Variants in PTPRT observed in about 807,000 individuals in gnomAD.
PTPRT encodes the protein protein tyrosine phosphatase receptor type T.
A neutral mutation model predicts 176.8 loss-of-function variants in PTPRT; 56 were observed. The observed-to-expected ratio is 0.32, with a 90% confidence interval of 0.26 to 0.40. The LOEUF (loss-of-function observed/expected upper bound fraction) is 0.40. Among genes scored for constraint, PTPRT ranks in the 10% least tolerant of loss-of-function variants. The probability of loss-of-function intolerance (pLI) is 1.00; values close to 1 mark genes in which losing one functional copy is unlikely to be tolerated. For synonymous variants in PTPRT, 783 were observed against 739.0 expected (o/e 1.06, Z -0.96); for missense variants, 1,540 against 1,908.2 (o/e 0.81, Z 3.60).
chr20:42,085,939 T>C, intron 27 of PTPRT, 86 bp from the exon 28 acceptor site: 2 of 1,413,876 alleles, frequency 1.4e-6, no homozygotes, highest in South Asian at 2.6e-5. Flanking sequence ...TTTTCTTTTC[T>C]TTTTTTCTTT....
At chr20:43,086,884 T>C (rs774741782) in intron 1 of PTPRT, among the ~76,000 whole-genome samples, 17 of 152,206 alleles carry the variant, frequency 1.1e-4, no homozygotes, top group Non-Finnish European at 2.5e-4. Flanking sequence ...TATTAAGGAA[T>C]GTCACTGGTT....
intron 1 of PTPRT, among the ~76,000 whole-genome samples, chr20:42,978,408 G>T (rs1983080163): frequency 6.6e-6 from 1 of 152,180 alleles, no homozygotes; most frequent in African/African-American, 2.4e-5. Context: ...GGGTCAAAGA[G>T]TATGCACATT....
intron 7 of PTPRT, among the ~76,000 whole-genome samples, chr20:42,560,312 C>T (rs193248251): frequency 3.3e-5 from 5 of 152,306 alleles, no homozygotes; most frequent in African/African-American, 7.2e-5. Flanking sequence ...GATTCTCTCC[C>T]TGCTTTTCCA....
At chr20:42,043,064 G>A in the PTPRT span, among the ~76,000 whole-genome samples, 1 of 152,240 alleles carries the variant, frequency 6.6e-6, no homozygotes, top group Non-Finnish European at 1.5e-5. Context: ...CCAAGTTCTT[G>A]GGTGGAAATG....
chr20:42,161,405 G>A lies in PTPRT; in HGVS notation c.2629C>T (p.His877Tyr). 1.9e-6 allele frequency: 3 copies of A among 1,614,152 alleles called. No individual in the cohort carries two copies. Among genetic ancestry groups the A allele is most frequent in the Non-Finnish European group, 2.5e-6 (3 of 1,180,022 alleles). Residue 877 changes from histidine to tyrosine, a missense_variant, in exon 17 of 31, where the codon CAC (histidine) becomes TAC (tyrosine). Around this residue, in one of 11 missense-constraint regions of PTPRT, gnomAD observed 255 missense variants for 250.1 expected, o/e 1.02. Coordinates refer to ENST00000373187, the MANE Select transcript of PTPRT (RefSeq NM_007050.6). ...PAIRVADLLQHITQMKRGQGY... is the reference protein window; with the variant it reads ...PAIRVADLLQYITQMKRGQGY... Reference sequence around the variant, plus strand: ...TGGCCTCTCTTCATCTGCGTGATGTGCTGCAGCAAGTCAGCCACCCGGATG... The same window carrying A: ...TGGCCTCTCTTCATCTGCGTGATGTACTGCAGCAAGTCAGCCACCCGGATG...
At chr20:42,798,029 G>A (rs8183004) in intron 2 of PTPRT, among the ~76,000 whole-genome samples, 61,673 of 152,058 alleles carry the variant, frequency 0.41, 14,381 homozygotes, top group East Asian at 0.53. Context: ...TAAATTTGTG[G>A]TAATTTGTTA....
intron 7 of PTPRT, among the ~76,000 whole-genome samples, chr20:42,657,462 C>T (rs948332810): frequency 4.6e-5 from 7 of 152,192 alleles, no homozygotes; most frequent in African/African-American, 1.4e-4. Context: ...TTTTCAGGCT[C>T]TTTCTTCACA....
chr20:42,702,723 T>C (rs1290881513), intron 6 of PTPRT, among the ~76,000 whole-genome samples: 1 of 152,126 alleles, frequency 6.6e-6, no homozygotes, highest in Non-Finnish European at 1.5e-5. Context: ...TAACCTACAG[T>C]GGGAAACAGA....
intron 1 of PTPRT, among the ~76,000 whole-genome samples, chr20:43,095,811 CCT>C (rs1234223122): frequency 9.7e-6 from 1 of 103,028 alleles, no homozygotes; most frequent in African/African-American, 4.0e-5. Flanking sequence ...CTCTCCTCCC[CCT>C]CTTTCTCTCC....
chr20:42,607,870 C>T (rs2073906870), intron 7 of PTPRT, among the ~76,000 whole-genome samples: 1 of 152,080 alleles, frequency 6.6e-6, no homozygotes, highest in African/African-American at 2.4e-5. Flanking sequence ...CTCACAGTGC[C>T]CACAGCCTTA....
intron 11 of PTPRT, among the ~76,000 whole-genome samples, chr20:42,333,943 A>C (rs2058004663): frequency 6.6e-6 from 1 of 152,316 alleles, no homozygotes; most frequent in Non-Finnish European, 1.5e-5. Context: ...GGCTTCACAA[A>C]GTGCTGGGAT....
intron 1 of PTPRT, among the ~76,000 whole-genome samples, chr20:43,140,505 C>T (rs1468872910): frequency 6.7e-6 from 1 of 148,292 alleles, no homozygotes; most frequent in Non-Finnish European, 1.5e-5. Flanking sequence ...TACATACATG[C>T]ACGTGTGTGT....
At chr20:42,639,333 G>A (rs1365899192) in intron 7 of PTPRT, among the ~76,000 whole-genome samples, 2 of 152,002 alleles carry the variant, frequency 1.3e-5, no homozygotes, top group African/African-American at 2.4e-5. Context: ...TTTAGCTGAC[G>A]AATGCACTTC....
chr20:42,208,239 G>A (rs1173479932), intron 15 of PTPRT, among the ~76,000 whole-genome samples: 4 of 114,862 alleles, frequency 3.5e-5, no homozygotes, highest in Non-Finnish European at 7.1e-5. Context: ...ATCAACTAAC[G>A]AGCAAAATCA....
chr20:42,342,330 T>G (rs2058124153), intron 11 of PTPRT, among the ~76,000 whole-genome samples: 1 of 152,210 alleles, frequency 6.6e-6, no homozygotes, highest in South Asian at 2.1e-4. Flanking sequence ...TCTGGTGTGA[T>G]GAAGTCCCAG....
intron 17 of PTPRT, among the ~76,000 whole-genome samples, chr20:42,157,652 G>A (rs1008335891): frequency 6.6e-6 from 1 of 151,944 alleles, no homozygotes; most frequent in Non-Finnish European, 1.5e-5. Context: ...TGCTCTGCAT[G>A]CTCCTCTAGA....
intron 7 of PTPRT, among the ~76,000 whole-genome samples, chr20:42,577,425 G>T (rs1043914639): frequency 6.6e-6 from 1 of 152,202 alleles, no homozygotes; most frequent in African/African-American, 2.4e-5. Context: ...GAGGGGCTAA[G>T]GGGACACAGA....
At chr20:42,740,857 G>A (rs1325110662) in intron 6 of PTPRT, among the ~76,000 whole-genome samples, 1 of 152,132 alleles carries the variant, frequency 6.6e-6, no homozygotes, top group East Asian at 1.9e-4. Context: ...GGGATGGCAA[G>A]GGCACTTGTA....
Position 42,180,255 on chromosome 20 carries a change from T to C in PTPRT, c.2492-18713A>G, listed in dbSNP as rs577140281. On this transcript the variant is annotated intron_variant, in intron 16 of 30. Transcript: ENST00000373187. ...GGTTCCACTGGTTTTGACTGACCTT[T>C]ACAGCTGGAACAGGGTTCTAGCTTC... Among the ~76,000 whole-genome samples, 13 of 152,282 alleles carry C rather than the reference T, an allele frequency of 8.5e-5. No individual in the cohort carries two copies. In the East Asian group the frequency reaches 2.5e-3, roughly 29 times the overall value.
Sources: gnomAD v4.1 joint callset for allele counts (sites outside exome capture counted in the v4.1 genomes callset) on GRCh38, gnomAD v4.1.1 for gene constraint, gnomAD v4.1.1 regional missense constraint, MANE v1.5 for transcripts, NCBI Gene and HGNC (gene_info 2026-07-23, HGNC 2026-07-21) for gene names.